The following TDRD3 variants were observed in gnomAD, a reference collection of about 807,000 sequenced individuals.
The protein encoded by TDRD3 is tudor domain-containing protein 3.
Under a neutral mutation model 86.7 loss-of-function variants are expected in TDRD3, and 45 were observed. The ratio of observed to expected loss-of-function variants is 0.52; its 90% CI spans 0.41 to 0.67. The LOEUF (loss-of-function observed/expected upper bound fraction) is 0.67, where lower values mean the gene tolerates loss of function less well. Among genes scored for constraint, TDRD3 ranks in the 30% least tolerant of loss-of-function variants. TDRD3 has a pLI of 0.00. For missense variants in TDRD3, 814 were observed against 889.0 expected, an observed-to-expected ratio of 0.92 and a Z score of 1.07; for synonymous variants, 298 against 301.7, an observed-to-expected ratio of 0.99 and a Z score of 0.13.
At chr13:60,456,852 C>T (rs1427391754) in intron 3 of TDRD3, among the ~76,000 whole-genome samples, 3 of 152,024 alleles carry the variant, frequency 2.0e-5, no homozygotes, top group South Asian at 2.1e-4. Flanking sequence ...CACACCACCA[C>T]GCTTGGCTAA....
chr13:60,473,083 C>G (rs1428616010), intron 5 of TDRD3, among the ~76,000 whole-genome samples: 4 of 152,196 alleles, frequency 2.6e-5, no homozygotes, highest in East Asian at 1.9e-4. Flanking sequence ...TTATTTCTCA[C>G]AGTTCCAGAG....
intron 5 of TDRD3, among the ~76,000 whole-genome samples, chr13:60,474,421 T>C (rs948303419): frequency 5.9e-5 from 9 of 152,326 alleles, no homozygotes; most frequent in African/African-American, 2.2e-4. Flanking sequence ...TGTTGTGTCT[T>C]TATTTCTACA....
chr13:60,501,051 T>G (rs1257485225), intron 8 of TDRD3, among the ~76,000 whole-genome samples: 1 of 152,136 alleles, frequency 6.6e-6, no homozygotes, highest in Non-Finnish European at 1.5e-5. Context: ...TTCCTTGGGG[T>G]GATCAGCCAG....
At chr13:60,513,738 C>T (rs572630166) in intron 10 of TDRD3, among the ~76,000 whole-genome samples, 4 of 152,332 alleles carry the variant, frequency 2.6e-5, no homozygotes, top group African/African-American at 9.6e-5. Context: ...CTCTCTTGGC[C>T]TGCTGCCATC....
chr13:60,545,274 A>G (rs1209912862), intron 12 of TDRD3, among the ~76,000 whole-genome samples: 1 of 152,174 alleles, frequency 6.6e-6, no homozygotes, highest in Non-Finnish European at 1.5e-5. Flanking sequence ...ACAGCATGTT[A>G]AGTGAATGAG....
chr13:60,437,685 T>C (rs1161708281), intron 1 of TDRD3, among the ~76,000 whole-genome samples: 1 of 151,862 alleles, frequency 6.6e-6, no homozygotes, highest in African/African-American at 2.4e-5. Context: ...TCTTTAATTC[T>C]ACAGTTTCCT....
Position 60,397,225 on chromosome 13 carries a change from G to C in TDRD3, c.-140G>C. ...CACGCGGAAGCGCCGGCCGCACTGA[G>C]CATGCCCAGTTGCAGAGCCGACCAG... On this transcript the variant is annotated 5_prime_UTR_variant, in exon 1 of 14. Coordinates refer to ENST00000377881, the MANE Select transcript of TDRD3 (RefSeq NM_001146070.2). 2.1e-6 allele frequency: 1 copy of C among 472,558 alleles called. No homozygotes were observed. Among genetic ancestry groups the C allele is most frequent in the Non-Finnish European group, 3.5e-6 (1 of 282,420 alleles). 29.3% of individuals were successfully genotyped at this position (472,558 alleles called of 1,614,324 possible).
intron 6 of TDRD3, 116 bp from the exon 7 acceptor site, chr13:60,485,683 A>G: frequency 1.2e-6 from 1 of 807,308 alleles, no homozygotes; most frequent in East Asian, 3.3e-5. Flanking sequence ...TTATTTGTGT[A>G]GGCTTTTAGC....
At chr13:60,470,765 T>C (rs1956061299) in intron 5 of TDRD3, among the ~76,000 whole-genome samples, 1 of 151,752 alleles carries the variant, frequency 6.6e-6, no homozygotes. Flanking sequence ...GTATTTTTAG[T>C]AGAGACGGGG....
chr13:60,541,746 T>TTTTTTTTTTA (rs1957818133), intron 12 of TDRD3, among the ~76,000 whole-genome samples: 2 of 135,922 alleles, frequency 1.5e-5, no homozygotes, highest in Non-Finnish European at 3.2e-5. Context: ...TTTTTTTTTT[T>TTTTTTTTTTA]GAGACGGAGT....
intron 1 of TDRD3, among the ~76,000 whole-genome samples, chr13:60,422,021 T>G (rs1954672250): frequency 6.6e-6 from 1 of 152,158 alleles, no homozygotes; most frequent in African/African-American, 2.4e-5. Flanking sequence ...TAACTTAAAA[T>G]AGACACATGC....
chr13:60,446,324 T>G (rs1295602969), intron 3 of TDRD3, among the ~76,000 whole-genome samples: 1 of 151,954 alleles, frequency 6.6e-6, no homozygotes, highest in Non-Finnish European at 1.5e-5. Context: ...CTGGGTTCAG[T>G]TGATTCTCCT....
intron 10 of TDRD3, among the ~76,000 whole-genome samples, chr13:60,514,712 G>A (rs1201472933): frequency 6.6e-6 from 1 of 152,174 alleles, no homozygotes; most frequent in Non-Finnish European, 1.5e-5. Flanking sequence ...CATGGAATTG[G>A]TAGGCTAGAG....
intron 8 of TDRD3, among the ~76,000 whole-genome samples, chr13:60,498,416 A>G (rs932608046): frequency 5.9e-5 from 9 of 152,160 alleles, no homozygotes; most frequent in African/African-American, 2.2e-4. Flanking sequence ...ACTGTAATGG[A>G]CGGTAGAAGC....
chr13:60,430,140 T>G (rs1433515770), intron 1 of TDRD3, among the ~76,000 whole-genome samples: 2 of 152,158 alleles, frequency 1.3e-5, no homozygotes, highest in Non-Finnish European at 2.9e-5. Context: ...TTTCATCTAG[T>G]TTTCACTAGT....
At chr13:60,431,228 G>A (rs549464703) in intron 1 of TDRD3, among the ~76,000 whole-genome samples, 92 of 151,992 alleles carry the variant, frequency 6.1e-4, no homozygotes, top group African/African-American at 2.0e-3. Context: ...CTTTAAGCTA[G>A]TTTAGTATCT....
intron 8 of TDRD3, among the ~76,000 whole-genome samples, chr13:60,507,143 A>T (rs1274368744): frequency 6.6e-6 from 1 of 152,218 alleles, no homozygotes; most frequent in Non-Finnish European, 1.5e-5. Flanking sequence ...ATGCAAGAAG[A>T]GCTAACTATC....
In TDRD3 at chr13:60,473,278, T is replaced by A. The variant is rs149209795; in HGVS notation, c.495+5899T>A. 2.6e-3 allele frequency among the ~76,000 whole-genome samples: 398 copies of A among 152,326 alleles called. 5 individuals carry two copies. The highest frequency in any genetic ancestry group is 2.2e-3 in the Non-Finnish European group (148 of 68,034). On this transcript the variant is annotated intron_variant, in intron 5 of 13. Transcript: ENST00000377881. ...TGTGATAACAGCATTAATCTATTCA[T>A]GAGGGAAAAATATTCATAATCTTAT...
chr13:60,411,200 C>G (rs547892004), intron 1 of TDRD3, among the ~76,000 whole-genome samples: 7 of 152,256 alleles, frequency 4.6e-5, no homozygotes, highest in African/African-American at 1.2e-4. Context: ...AAAAGACACT[C>G]TCATATAATT....
Sources: gnomAD v4.1 joint callset for allele counts (sites outside exome capture counted in the v4.1 genomes callset) on GRCh38, gnomAD v4.1.1 for gene constraint, MANE v1.5 for transcripts, NCBI Gene and HGNC (gene_info 2026-07-23, HGNC 2026-07-21) for gene names.